The following CACNA2D1 variants were observed in gnomAD, a reference collection of about 807,000 sequenced individuals.
CACNA2D1 encodes calcium voltage-gated channel auxiliary subunit alpha2delta 1.
Under a neutral mutation model 171.5 loss-of-function variants are expected in CACNA2D1, and 53 were observed. The observed-to-expected ratio is 0.31, with a 90% CI of 0.25 to 0.39. CACNA2D1 has a LOEUF of 0.39. Ranked by LOEUF, CACNA2D1 falls within the 10% of genes least tolerant of loss-of-function variation. The probability of loss-of-function intolerance (pLI) is 1.00; values close to 1 mark genes in which losing one functional copy is unlikely to be tolerated. For synonymous variants in CACNA2D1, 442 were observed against 443.1 expected (o/e 1.00, Z 0.03); for missense variants, 903 against 1,299.8 (o/e 0.69, Z 4.69).
At chr7:81,991,617 G>A (rs1287726769) in intron 20 of CACNA2D1, among the ~76,000 whole-genome samples, 1 of 152,154 alleles carries the variant, frequency 6.6e-6, no homozygotes, top group African/African-American at 2.4e-5. Context: ...TTAATGCAGT[G>A]TGTCTAGATC....
chr7:82,101,935 A>T (rs1448534917), intron 6 of CACNA2D1, among the ~76,000 whole-genome samples: 1 of 152,200 alleles, frequency 6.6e-6, no homozygotes, highest in East Asian at 1.9e-4. Flanking sequence ...TGAATTTTAT[A>T]TAATAAATTG....
At chr7:82,078,388 G>A (rs972903683) in intron 7 of CACNA2D1, among the ~76,000 whole-genome samples, 15 of 152,130 alleles carry the variant, frequency 9.9e-5, no homozygotes, top group African/African-American at 3.1e-4. Context: ...ACAATTTCAG[G>A]AGATATTAAC....
At chr7:82,442,230 T>C (rs1830559995) in intron 1 of CACNA2D1, among the ~76,000 whole-genome samples, 1 of 152,198 alleles carries the variant, frequency 6.6e-6, no homozygotes, top group Non-Finnish European at 1.5e-5. Flanking sequence ...GATTCACTGT[T>C]ACTTTCCACC....
chr7:82,089,189 C>T (rs1810837203), intron 6 of CACNA2D1, among the ~76,000 whole-genome samples: 1 of 152,148 alleles, frequency 6.6e-6, no homozygotes, highest in African/African-American at 2.4e-5. Context: ...TTTACATTCA[C>T]ATATACTTCC....
intron 3 of CACNA2D1, among the ~76,000 whole-genome samples, chr7:82,235,505 C>T (rs913481653): frequency 4.6e-5 from 7 of 152,130 alleles, no homozygotes; most frequent in Admixed American, 4.6e-4. Flanking sequence ...TCCAGTCGCT[C>T]ATGCCATCCT....
At chr7:82,178,114 A>T (rs1298442952) in intron 3 of CACNA2D1, among the ~76,000 whole-genome samples, 3 of 152,178 alleles carry the variant, frequency 2.0e-5, no homozygotes, top group Admixed American at 6.6e-5. Flanking sequence ...AACTTGCTGA[A>T]ATAAAGCCAG....
chr7:81,965,382 AT>A (rs1019393289), intron 32 of CACNA2D1, among the ~76,000 whole-genome samples: 3 of 151,934 alleles, frequency 2.0e-5, no homozygotes, highest in Non-Finnish European at 4.4e-5. Flanking sequence ...TGTTTTAATG[AT>A]ACCAGTACTA....
At chr7:82,056,963 C>T (rs1805980102) in intron 10 of CACNA2D1, among the ~76,000 whole-genome samples, 1 of 152,120 alleles carries the variant, frequency 6.6e-6, no homozygotes, top group Admixed American at 6.6e-5. Context: ...CCATATGTTG[C>T]ATCACTAGAG....
chr7:82,137,707 TAAAAAAAAA>T (rs1174278503), intron 4 of CACNA2D1, among the ~76,000 whole-genome samples: 23 of 78,830 alleles, frequency 2.9e-4, no homozygotes, highest in African/African-American at 9.6e-4. Context: ...CCGTCTCTAC[TAAAAAAAAA>T]AAAAAAAAAA....
chr7:82,106,653 T>G (rs1003461136), intron 6 of CACNA2D1, among the ~76,000 whole-genome samples: 1 of 152,176 alleles, frequency 6.6e-6, no homozygotes, highest in East Asian at 1.9e-4. Flanking sequence ...AAAATCACAA[T>G]ATTTTCTTTA....
intron 6 of CACNA2D1, among the ~76,000 whole-genome samples, chr7:82,114,048 AT>A (rs1355774456): frequency 1.3e-5 from 2 of 152,316 alleles, no homozygotes; most frequent in Admixed American, 1.3e-4. Context: ...GTTAAGTTGT[AT>A]TCTCTGAGAC....
intron 26 of CACNA2D1, 135 bp downstream of exon 26, chr7:81,971,642 G>C: frequency 4.6e-6 from 3 of 649,680 alleles, no homozygotes; most frequent in Non-Finnish European, 8.3e-6. Context: ...GTCAACAACT[G>C]TATAGTGATT....
At chr7:82,205,789 T>C (rs1338489155) in intron 3 of CACNA2D1, among the ~76,000 whole-genome samples, 3 of 152,180 alleles carry the variant, frequency 2.0e-5, no homozygotes, top group Non-Finnish European at 2.9e-5. Flanking sequence ...TTTGAAGTAT[T>C]AAAAAGGTAA....
chr7:82,224,671 C>T (rs978272994), intron 3 of CACNA2D1, among the ~76,000 whole-genome samples: 4 of 152,174 alleles, frequency 2.6e-5, no homozygotes, highest in African/African-American at 7.2e-5. Flanking sequence ...GATGTAGCTC[C>T]CTGTCTTAAC....
Position 82,194,085 on chromosome 7 carries a change from C to T in CACNA2D1, c.295-23476G>A, listed in dbSNP as rs149232694. On this transcript the variant is annotated intron_variant, in intron 3 of 38. Coordinates refer to ENST00000356860, the MANE Select transcript of CACNA2D1 (RefSeq NM_000722.4). The stretch of plus-strand genomic sequence containing the variant: ...TTTGTGTTGAATTAAATTTCTAAAG[C>T]TAAATGACTTTATTAGAGTAAGATT... 9.3e-4 allele frequency among the ~76,000 whole-genome samples: 141 copies of T among 152,074 alleles called. 1 individual carries two copies. The East Asian group carries it at 0.021, about 23-fold the overall frequency.
At chr7:82,334,236 G>A (rs1168413087) in intron 3 of CACNA2D1, among the ~76,000 whole-genome samples, 1 of 152,092 alleles carries the variant, frequency 6.6e-6, no homozygotes, top group South Asian at 2.1e-4. Flanking sequence ...AACTAGTGAA[G>A]GTCTGAATTG....
At chr7:82,384,931 A>G (rs1824162095) in intron 1 of CACNA2D1, among the ~76,000 whole-genome samples, 1 of 152,250 alleles carries the variant, frequency 6.6e-6, no homozygotes, top group Admixed American at 6.5e-5. Flanking sequence ...ATTAATGCAC[A>G]TAAATGGAGC....
intron 3 of CACNA2D1, among the ~76,000 whole-genome samples, chr7:82,234,232 A>G (rs1443335274): frequency 6.6e-6 from 1 of 152,156 alleles, no homozygotes; most frequent in Middle Eastern, 3.2e-3. Context: ...AATTATTGTA[A>G]TGAAAATGTT....
intron 6 of CACNA2D1, among the ~76,000 whole-genome samples, chr7:82,095,078 A>C (rs1371037625): frequency 1.2e-4 from 19 of 152,114 alleles, no homozygotes; most frequent in Non-Finnish European, 1.5e-5. Flanking sequence ...TTTCAAACAC[A>C]ACAAGCCCAA....
Sources: allele counts gnomAD v4.1 joint callset (sites outside exome capture counted in the v4.1 genomes callset), GRCh38; gene constraint gnomAD v4.1.1; transcripts MANE v1.5; gene names NCBI Gene and HGNC (gene_info 2026-07-23, HGNC 2026-07-21).